ST7: variants seen among roughly 807,000 people sequenced by gnomAD.
The protein encoded by ST7 is suppression of tumorigenicity 7.
A neutral mutation model predicts 78.7 loss-of-function variants in ST7; 28 were observed. That is an observed-to-expected ratio of 0.36 (90% confidence interval 0.26 to 0.49). The LOEUF is 0.49. ST7 is among the 20% of genes least tolerant of loss of function. The pLI, the probability that ST7 is intolerant of heterozygous loss-of-function variation, is 0.99. For missense variants in ST7, 418 were observed against 696.0 expected (o/e 0.60, Z 4.49); for synonymous variants, 247 against 249.6 (o/e 0.99, Z 0.10).
At position 117,097,915 on chromosome 7, in the gene ST7, T is replaced by A. The variant is rs1465847549; in HGVS notation, c.152-1847T>A. Reference sequence around the variant, plus strand: ...ATATATATATATATATATATTTTTTTTTTTTTTTTTTTTGATGGCCAGGCA... The same window carrying A: ...ATATATATATATATATATATTTTTTATTTTTTTTTTTTTGATGGCCAGGCA... On this transcript the variant is annotated intron_variant, in intron 1 of 15. Transcript: ENST00000323984. 1.2e-3 allele frequency among the ~76,000 whole-genome samples: 113 copies of A among 91,192 alleles called. 3 individuals carry two copies. The highest frequency in any genetic ancestry group is 4.8e-3 in the East Asian group (14 of 2,934). The allele number at this position is 91,192 out of a possible 152,430, so 59.8% of individuals were successfully genotyped here.
intron 9 of ST7, among the ~76,000 whole-genome samples, chr7:117,144,633 CAA>C (rs535930435): frequency 2.0e-4 from 21 of 103,834 alleles, no homozygotes; most frequent in Non-Finnish European, 2.1e-4. Flanking sequence ...ACCCTGTCTC[CAA>C]AAAAAAAAAA....
chr7:117,191,668 C>T (rs1195901548), intron 12 of ST7: 3 of 152,140 alleles, frequency 2.0e-5, no homozygotes, highest in Non-Finnish European at 4.4e-5. Flanking sequence ...TTATCATCTT[C>T]TCTGAGGGAG....
At chr7:116,989,132 TATC>T (rs1344709451) in intron 1 of ST7, among the ~76,000 whole-genome samples, 1 of 152,236 alleles carries the variant, frequency 6.6e-6, no homozygotes, top group Non-Finnish European at 1.5e-5. Context: ...TTCAAGATAT[TATC>T]ATTTCAAAAT....
chr7:116,962,501 C>T (rs1164950988), intron 1 of ST7, among the ~76,000 whole-genome samples: 1 of 152,180 alleles, frequency 6.6e-6, no homozygotes, highest in Non-Finnish European at 1.5e-5. Context: ...GAGATGGTAT[C>T]TCATTGTGGT....
chr7:117,152,974 T>C (rs1655400701), intron 9 of ST7, among the ~76,000 whole-genome samples: 1 of 152,146 alleles, frequency 6.6e-6, no homozygotes, highest in Non-Finnish European at 1.5e-5. Flanking sequence ...ACAGTTCAAA[T>C]GTTCTGGGTT....
rs114271852 is a variant in ST7, at chr7:117,215,189, C to A, written c.1406-3895C>A. Among the ~76,000 whole-genome samples, 463 of 152,210 alleles carry A rather than the reference C, an allele frequency of 3.0e-3. 6 individuals are homozygous for A. The highest frequency in any genetic ancestry group is 0.011 in the African/African-American group (440 of 41,522). ...AGGCCACACAATTAGGTAGTGACAG[C>A]ATGTGGATCACAACCCAGCCTTTTG... On this transcript the variant is annotated intron_variant, in intron 13 of 15. Coordinates refer to ENST00000323984, the MANE Select transcript of ST7 (RefSeq NM_001369598.1).
chr7:117,096,067 CAAAAAAAAAAAAAAAAAAA>C (rs35970973), intron 1 of ST7, among the ~76,000 whole-genome samples: 1 of 35,674 alleles, frequency 2.8e-5, no homozygotes, highest in Admixed American at 5.0e-4. Context: ...GATTCTGCCT[CAAAAAAAAAAAAAAAAAAA>C]AAAAAAAAAA....
intron 1 of ST7, among the ~76,000 whole-genome samples, chr7:116,981,058 A>G (rs1450839329): frequency 6.6e-6 from 1 of 151,996 alleles, no homozygotes; most frequent in African/African-American, 2.4e-5. Context: ...GTTTTGATGA[A>G]TACATGCCAG....
At chr7:117,031,281 T>C (rs1379707503) in intron 1 of ST7, among the ~76,000 whole-genome samples, 1 of 151,548 alleles carries the variant, frequency 6.6e-6, no homozygotes, top group Non-Finnish European at 1.5e-5. Flanking sequence ...CAAAATAATC[T>C]GTACATCAAA....
chr7:117,187,463 T>C (rs986784713), intron 10 of ST7: 4 of 152,244 alleles, frequency 2.6e-5, no homozygotes, highest in Admixed American at 2.0e-4. Flanking sequence ...TGTTGCTGAA[T>C]GCTGTTGCAT....
At chr7:117,156,992 A>G (rs528332016) in intron 9 of ST7, among the ~76,000 whole-genome samples, 2 of 152,310 alleles carry the variant, frequency 1.3e-5, no homozygotes, top group South Asian at 4.1e-4. Flanking sequence ...AAACACTAAG[A>G]GTCTAGGTTA....
At chr7:117,174,460 A>G (rs954170047) in intron 10 of ST7, among the ~76,000 whole-genome samples, 3 of 152,204 alleles carry the variant, frequency 2.0e-5, no homozygotes, top group Middle Eastern at 3.2e-3. Context: ...GGAAGAGCCT[A>G]TAATATCAAA....
At chr7:117,160,762 A>G (rs1410858139) in intron 9 of ST7, among the ~76,000 whole-genome samples, 1 of 151,940 alleles carries the variant, frequency 6.6e-6, no homozygotes, top group African/African-American at 2.4e-5. Context: ...AATTTTTGTG[A>G]CCCCAAAATT....
At chr7:117,161,723 C>T (rs1807172928) in intron 9 of ST7, among the ~76,000 whole-genome samples, 2 of 151,742 alleles carry the variant, frequency 1.3e-5, no homozygotes, top group South Asian at 2.1e-4. Flanking sequence ...CCTCAGCCTC[C>T]CAAGTAGCTG....
chr7:117,058,174 A>C (rs1798160517), intron 1 of ST7, among the ~76,000 whole-genome samples: 1 of 152,186 alleles, frequency 6.6e-6, no homozygotes, highest in Non-Finnish European at 1.5e-5. Context: ...TACCTTTTGG[A>C]ACTCAATTGT....
At chr7:117,139,383 G>T (rs1805077337) in intron 9 of ST7, among the ~76,000 whole-genome samples, 1 of 152,144 alleles carries the variant, frequency 6.6e-6, no homozygotes, top group Admixed American at 6.6e-5. Context: ...GAACCAAGCG[G>T]CAAGATAAAA....
At chr7:117,129,899 G>C in intron 4 of ST7, 52 bp downstream of exon 4, 1 of 1,469,924 alleles carries the variant, frequency 6.8e-7, no homozygotes, top group African/African-American at 1.4e-5. Flanking sequence ...AGAGAGCAAA[G>C]ACAGCAGCAA....
At chr7:116,974,923 C>T (rs1793621912) in intron 1 of ST7, among the ~76,000 whole-genome samples, 1 of 152,178 alleles carries the variant, frequency 6.6e-6, no homozygotes, top group Non-Finnish European at 1.5e-5. Flanking sequence ...CACTACTTTG[C>T]CTGCTTAAAT....
chr7:117,009,828 T>G, intron 1 of ST7, among the ~76,000 whole-genome samples: 1 of 152,164 alleles, frequency 6.6e-6, no homozygotes, highest in South Asian at 2.1e-4. Flanking sequence ...CAGCTGTGGT[T>G]ACTTGATTTT....
Sources: gnomAD v4.1 joint callset for allele counts (sites outside exome capture counted in the v4.1 genomes callset) on GRCh38, gnomAD v4.1.1 for gene constraint, MANE v1.5 for transcripts, NCBI Gene and HGNC (gene_info 2026-07-23, HGNC 2026-07-21) for gene names.